The following OPCML variants were observed in gnomAD, a reference collection of about 807,000 sequenced individuals.
The protein encoded by OPCML is opioid binding protein/cell adhesion molecule like, also known as opioid-binding protein/cell adhesion molecule.
A neutral mutation model predicts 37.8 loss-of-function variants in OPCML; 13 were observed. The observed-to-expected ratio is 0.34, with a 90% CI of 0.22 to 0.55. The LOEUF is 0.55. Among genes scored for constraint, OPCML ranks in the 20% least tolerant of loss-of-function variants. The pLI is 0.91. For missense variants in OPCML, 341 were observed against 435.6 expected (o/e 0.78, Z 1.93); for synonymous variants, 176 against 168.8 (o/e 1.04, Z -0.33).
intron 1 of OPCML, among the ~76,000 whole-genome samples, chr11:133,349,914 A>G (rs147126469): frequency 6.0e-4 from 91 of 152,346 alleles, no homozygotes; most frequent in African/African-American, 2.0e-3. Flanking sequence ...CCTCCTTTTA[A>G]AAATCAACTT....
At chr11:133,103,584 A>G (rs1949116504) in intron 1 of OPCML, among the ~76,000 whole-genome samples, 1 of 152,270 alleles carries the variant, frequency 6.6e-6, no homozygotes, top group Non-Finnish European at 1.5e-5. Flanking sequence ...ACAATGGAAC[A>G]TAATTTTGCA....
intron 1 of OPCML, among the ~76,000 whole-genome samples, chr11:132,999,852 TGGA>T (rs1477617158): frequency 1.3e-4 from 20 of 152,100 alleles, no homozygotes; most frequent in Non-Finnish European, 8.8e-5. Context: ...GGGCAGGAAG[TGGA>T]AGTTTCTCCC....
At chr11:133,001,954 T>A (rs1947014283) in intron 1 of OPCML, among the ~76,000 whole-genome samples, 1 of 152,194 alleles carries the variant, frequency 6.6e-6, no homozygotes, top group South Asian at 2.1e-4. Flanking sequence ...GTAATAACTG[T>A]CATCTTTTAA....
Position 133,387,231 on chromosome 11 carries a change from T to C in OPCML, c.61+145033A>G, listed in dbSNP as rs1454607020. 3.9e-5 allele frequency among the ~76,000 whole-genome samples: 6 copies of C among 152,250 alleles called. No homozygotes were observed. The East Asian group carries it at 1.2e-3, about 29-fold the overall frequency. On this transcript the variant is annotated intron_variant, in intron 1 of 7. Coordinates refer to ENST00000524381, the MANE Select transcript of OPCML (RefSeq NM_001012393.5). Reference sequence around the variant, plus strand: ...GCCTATCTCACATTTTGTACTCTCCTCTGCCCAAGAACCACCAATTAACCG... The same window carrying C: ...GCCTATCTCACATTTTGTACTCTCCCCTGCCCAAGAACCACCAATTAACCG...
chr11:133,242,129 C>G (rs1232074923), intron 1 of OPCML, among the ~76,000 whole-genome samples: 1 of 152,054 alleles, frequency 6.6e-6, no homozygotes, highest in East Asian at 1.9e-4. Context: ...AATAAATCAC[C>G]GAAGATGTAT....
rs73031349 is a variant in OPCML at position 133,328,054 on chromosome 11, C to T, written c.61+204210G>A. ...AAAAACCTAGGCACTCATTAAAAGA[C>T]GGCTAAAAACTGAAAACTAGCTAGG... On this transcript the variant is annotated intron_variant, in intron 1 of 7. Coordinates refer to ENST00000524381, the MANE Select transcript of OPCML (RefSeq NM_001012393.5). Among the ~76,000 whole-genome samples, 1,259 of 152,178 alleles carry T rather than the reference C, an allele frequency of 8.3e-3. 6 individuals are homozygous for T. The highest frequency in any genetic ancestry group is 0.017 in the Middle Eastern group (5 of 294).
At chr11:132,740,619 T>C (rs1945406080) in intron 2 of OPCML, among the ~76,000 whole-genome samples, 2 of 152,176 alleles carry the variant, frequency 1.3e-5, no homozygotes, top group South Asian at 4.2e-4. Flanking sequence ...AGGTCAGTGA[T>C]TCCCAAAGTC....
chr11:132,882,474 T>C (rs571901941), intron 2 of OPCML, among the ~76,000 whole-genome samples: 54 of 152,316 alleles, frequency 3.5e-4, no homozygotes, highest in African/African-American at 1.1e-3. Context: ...CCATCCTCTC[T>C]TATTGAGATT....
At chr11:133,317,762 C>G (rs1008115444) in intron 1 of OPCML, among the ~76,000 whole-genome samples, 1 of 152,208 alleles carries the variant, frequency 6.6e-6, no homozygotes, top group African/African-American at 2.4e-5. Context: ...TAGCTTCTAG[C>G]TTATTAGCAG....
intron 1 of OPCML, among the ~76,000 whole-genome samples, chr11:133,283,474 A>G (rs982788211): frequency 1.3e-5 from 2 of 149,550 alleles, no homozygotes; most frequent in Non-Finnish European, 3.0e-5. Flanking sequence ...GGCCCTTACC[A>G]GAAGCTGAGC....
chr11:133,472,795 A>G (rs904039521), intron 1 of OPCML, among the ~76,000 whole-genome samples: 2 of 152,010 alleles, frequency 1.3e-5, no homozygotes, highest in African/African-American at 4.8e-5. Flanking sequence ...GAAAATATCT[A>G]TGAACAGACC....
intron 2 of OPCML, among the ~76,000 whole-genome samples, chr11:132,694,564 A>G (rs1024505550): frequency 7.2e-5 from 11 of 152,190 alleles, no homozygotes; most frequent in African/African-American, 2.7e-4. Flanking sequence ...TGCACAGTAA[A>G]GAAGATATAA....
intron 2 of OPCML, among the ~76,000 whole-genome samples, chr11:132,874,699 C>A (rs1942944817): frequency 6.6e-6 from 1 of 152,112 alleles, no homozygotes; most frequent in African/African-American, 2.4e-5. Flanking sequence ...GATGGGACTG[C>A]AAGAAACCTT....
intron 2 of OPCML, among the ~76,000 whole-genome samples, chr11:132,664,598 C>T (rs1942143058): frequency 6.6e-6 from 1 of 152,130 alleles, no homozygotes; most frequent in African/African-American, 2.4e-5. Context: ...ACTCATAAAC[C>T]AGTGATAAAT....
At chr11:133,450,715 C>T (rs769640436) in intron 1 of OPCML, among the ~76,000 whole-genome samples, 2 of 151,540 alleles carry the variant, frequency 1.3e-5, no homozygotes, top group Non-Finnish European at 2.9e-5. Flanking sequence ...GAGAACACAA[C>T]GTGAAGGAAA....
chr11:133,083,534 G>A (rs1470987066), intron 1 of OPCML, among the ~76,000 whole-genome samples: 3 of 152,338 alleles, frequency 2.0e-5, no homozygotes, highest in African/African-American at 7.2e-5. Context: ...CCCAGGAATT[G>A]CACCTGGATT....
chr11:133,007,594 G>C (rs138128821), intron 1 of OPCML: 1 of 985,302 alleles, frequency 1.0e-6, no homozygotes, highest in Admixed American at 6.1e-5. Context: ...CTCTAGAATT[G>C]CTTGTAGAAG....
intron 4 of OPCML, among the ~76,000 whole-genome samples, chr11:132,451,004 G>A (rs1013296632): frequency 9.2e-5 from 14 of 152,102 alleles, no homozygotes; most frequent in Admixed American, 3.3e-4. Context: ...GTGTATGTGT[G>A]TATAAAGAGA....
chr11:132,797,752 A>C (rs924513243), intron 2 of OPCML, among the ~76,000 whole-genome samples: 1 of 152,226 alleles, frequency 6.6e-6, no homozygotes, highest in African/African-American at 2.4e-5. Flanking sequence ...GTTAAAAAAT[A>C]AAAATATTCT....
Sources: gnomAD v4.1 joint callset for allele counts (sites outside exome capture counted in the v4.1 genomes callset) on GRCh38, gnomAD v4.1.1 for gene constraint, MANE v1.5 for transcripts, NCBI Gene and HGNC (gene_info 2026-07-23, HGNC 2026-07-21) for gene names.